Variants in AGBL4 observed in about 807,000 individuals in gnomAD.
AGBL4 encodes AGBL carboxypeptidase 4, also known as cytosolic carboxypeptidase 6.
AGBL4 carries 58 observed loss-of-function variants against 66.4 expected under a neutral mutation model. The observed-to-expected ratio is 0.87, with a 90% CI of 0.71 to 1.09. AGBL4 has a LOEUF of 1.09. Ranked by LOEUF, AGBL4 falls within the 50% of genes least tolerant of loss-of-function variation. AGBL4 has a pLI of 0.00. For missense variants in AGBL4, 579 were observed against 631.0 expected, an observed-to-expected ratio of 0.92 and a Z score of 0.88; for synonymous variants, 234 against 222.9, an observed-to-expected ratio of 1.05 and a Z score of -0.44.
At chr1:49,733,093 T>C (rs372791127) in intron 2 of AGBL4, among the ~76,000 whole-genome samples, 6 of 152,296 alleles carry the variant, frequency 3.9e-5, no homozygotes, top group Non-Finnish European at 5.9e-5. Context: ...CAACTGACTT[T>C]CATCAGAGCC....
intron 5 of AGBL4, among the ~76,000 whole-genome samples, chr1:48,959,423 T>C (rs1657769830): frequency 6.6e-6 from 1 of 152,210 alleles, no homozygotes; most frequent in Non-Finnish European, 1.5e-5. Flanking sequence ...TGGGCATTGT[T>C]TGGGGCACTA....
chr1:49,697,801 T>C (rs1467225941), intron 2 of AGBL4, among the ~76,000 whole-genome samples: 2 of 152,198 alleles, frequency 1.3e-5, no homozygotes, highest in Non-Finnish European at 2.9e-5. Flanking sequence ...TAATACCTTA[T>C]GTATTTTGTA....
intron 3 of AGBL4, among the ~76,000 whole-genome samples, chr1:49,670,700 G>C (rs1646459514): frequency 2.0e-5 from 3 of 152,150 alleles, no homozygotes; most frequent in Non-Finnish European, 4.4e-5. Flanking sequence ...TTATGGGCCT[G>C]AGGTATTTGA....
chr1:48,806,574 C>T (rs947678159), intron 6 of AGBL4, among the ~76,000 whole-genome samples: 1 of 152,186 alleles, frequency 6.6e-6, no homozygotes, highest in African/African-American at 2.4e-5. Flanking sequence ...CAAAGTCAGC[C>T]TTTTCCTTGA....
At chr1:49,494,825 T>C (rs1647388617) in intron 3 of AGBL4, among the ~76,000 whole-genome samples, 1 of 152,028 alleles carries the variant, frequency 6.6e-6, no homozygotes, top group Admixed American at 6.5e-5. Context: ...GTATTTCTAG[T>C]TCTAGATCCC....
intron 3 of AGBL4, among the ~76,000 whole-genome samples, chr1:49,553,268 T>C (rs1167276888): frequency 6.6e-6 from 1 of 152,172 alleles, no homozygotes; most frequent in Non-Finnish European, 1.5e-5. Flanking sequence ...TTAATACATC[T>C]CTCTGTTCTT....
intron 8 of AGBL4, among the ~76,000 whole-genome samples, chr1:48,645,971 T>C (rs1363909305): frequency 6.6e-6 from 1 of 151,718 alleles, no homozygotes; most frequent in Non-Finnish European, 1.5e-5. Context: ...TGGCGAAGGG[T>C]GGGAACACAT....
chr1:49,772,917 G>C (rs1392240357), intron 2 of AGBL4, among the ~76,000 whole-genome samples: 1 of 152,050 alleles, frequency 6.6e-6, no homozygotes, highest in Non-Finnish European at 1.5e-5. Flanking sequence ...CTATTATTTT[G>C]TTAAATAGGT....
chr1:49,128,510 T>C (rs896986354), intron 4 of AGBL4, among the ~76,000 whole-genome samples: 2 of 152,016 alleles, frequency 1.3e-5, no homozygotes, highest in East Asian at 1.9e-4. Context: ...GATTGGCATA[T>C]AGATCGATGG....
At chr1:48,580,939 C>T (rs555493167) in intron 11 of AGBL4, among the ~76,000 whole-genome samples, 15 of 152,208 alleles carry the variant, frequency 9.9e-5, no homozygotes, top group Admixed American at 7.2e-4. Context: ...TCCATTCATC[C>T]TAGAAGTCTG....
chr1:48,866,512 G>T (rs900551930), intron 6 of AGBL4, among the ~76,000 whole-genome samples: 13 of 152,146 alleles, frequency 8.5e-5, no homozygotes, highest in African/African-American at 3.1e-4. Context: ...AACCCTGCTG[G>T]CACCATCATC....
Position 48,903,500 on chromosome 1 carries a change from T to A in AGBL4, c.595-36270A>T, listed in dbSNP as rs185537931. 1.2e-3 allele frequency among the ~76,000 whole-genome samples: 176 copies of A among 152,368 alleles called. 1 individual carries two copies. The highest frequency in any genetic ancestry group is 1.5e-4 in the Non-Finnish European group (10 of 68,038). On this transcript the variant is annotated intron_variant, in intron 5 of 13. Coordinates refer to ENST00000371839, the MANE Select transcript of AGBL4 (RefSeq NM_032785.4). ...GAGCTCCCTACTTTATCTTGTAGATTACTGGCTCAGCTCAATGGGAGACTC... is the reference window on the plus strand; with the variant it reads ...GAGCTCCCTACTTTATCTTGTAGATAACTGGCTCAGCTCAATGGGAGACTC...
At chr1:48,913,907 C>T (rs926782008) in intron 5 of AGBL4, among the ~76,000 whole-genome samples, 3 of 152,026 alleles carry the variant, frequency 2.0e-5, no homozygotes, top group Admixed American at 6.6e-5. Flanking sequence ...TTTTCATACC[C>T]GTGGAAGAAG....
chr1:49,427,302 A>C (rs1034589448), intron 3 of AGBL4, among the ~76,000 whole-genome samples: 7 of 152,152 alleles, frequency 4.6e-5, no homozygotes, highest in Non-Finnish European at 8.8e-5. Flanking sequence ...CTAGGACCCG[A>C]GAGAGTTGAA....
At chr1:49,243,841 T>G (rs1262523603) in intron 4 of AGBL4, among the ~76,000 whole-genome samples, 1 of 151,858 alleles carries the variant, frequency 6.6e-6, no homozygotes, top group East Asian at 1.9e-4. Flanking sequence ...TGGTACCTTA[T>G]GCCTAAGTGG....
intron 4 of AGBL4, among the ~76,000 whole-genome samples, chr1:49,057,753 A>G (rs1644332839): frequency 6.6e-6 from 1 of 151,790 alleles, no homozygotes; most frequent in Non-Finnish European, 1.5e-5. Flanking sequence ...GTTTGTTTAT[A>G]GTTTATATTT....
chr1:49,839,916 T>C (rs145728739), intron 2 of AGBL4, among the ~76,000 whole-genome samples: 1 of 152,070 alleles, frequency 6.6e-6, no homozygotes, highest in East Asian at 1.9e-4. Flanking sequence ...GGACAAAAAT[T>C]TTGGGGTAGT....
Position 48,637,419 on chromosome 1 carries a change from G to A in AGBL4, c.840-2815C>T, listed in dbSNP as rs548411611. Among the ~76,000 whole-genome samples the A allele has an allele frequency of 8.5e-5, 13 of 152,288 alleles. No homozygotes were observed. The East Asian group carries it at 1.5e-3, about 18-fold the overall frequency. ...CATCTAACCCTGTTACTAGATGGGG[G>A]GTTGAATGTGGTGAGTTTGCTCCTC... On this transcript the variant is annotated intron_variant, in intron 8 of 13. Coordinates refer to ENST00000371839, the MANE Select transcript of AGBL4 (RefSeq NM_032785.4).
At chr1:49,909,494 T>C (rs1437187618) in intron 1 of AGBL4, among the ~76,000 whole-genome samples, 1 of 152,000 alleles carries the variant, frequency 6.6e-6, no homozygotes, top group Non-Finnish European at 1.5e-5. Flanking sequence ...AAAGCATATA[T>C]CCTGAGGTGA....
Sources: allele counts gnomAD v4.1 joint callset (sites outside exome capture counted in the v4.1 genomes callset), GRCh38; gene constraint gnomAD v4.1.1; transcripts MANE v1.5; gene names NCBI Gene and HGNC (gene_info 2026-07-23, HGNC 2026-07-21).